The following LDLRAD4 variants were observed in gnomAD, a reference collection of about 807,000 sequenced individuals.
LDLRAD4 encodes low-density lipoprotein receptor class A domain-containing protein 4.
A neutral mutation model predicts 17.0 loss-of-function variants in LDLRAD4; 5 were observed. The ratio of observed to expected loss-of-function variants is 0.29; its 90% confidence interval spans 0.15 to 0.62. The LOEUF (loss-of-function observed/expected upper bound fraction) is 0.62. LDLRAD4 is among the 20% of genes least tolerant of loss of function. The probability of loss-of-function intolerance (pLI) is 0.84; values close to 1 mark genes in which losing one functional copy is unlikely to be tolerated. For missense variants in LDLRAD4, 340 were observed against 424.7 expected (o/e 0.80, Z 1.75); for synonymous variants, 168 against 171.8 (o/e 0.98, Z 0.17).
chr18:13,226,529 T>C (rs141873258), intron 1 of LDLRAD4, among the ~76,000 whole-genome samples: 1,818 of 152,114 alleles, frequency 0.012, 31 homozygotes, highest in African/African-American at 0.042. Flanking sequence ...GTAAATGATA[T>C]GGGCACATGA....
intron 3 of LDLRAD4, among the ~76,000 whole-genome samples, chr18:13,575,744 T>C (rs1478824236): frequency 6.6e-6 from 1 of 152,350 alleles, no homozygotes; most frequent in East Asian, 1.9e-4. Context: ...TGTTATTTTT[T>C]GATTTTTGGA....
At chr18:13,322,230 T>C (rs957567160) in intron 1 of LDLRAD4, among the ~76,000 whole-genome samples, 3 of 151,832 alleles carry the variant, frequency 2.0e-5, no homozygotes, top group African/African-American at 4.8e-5. Flanking sequence ...CACAGCTGAT[T>C]TTTAAAATGG....
chr18:13,347,767 A>G (rs1381494290), intron 1 of LDLRAD4, among the ~76,000 whole-genome samples: 1 of 152,010 alleles, frequency 6.6e-6, no homozygotes, highest in East Asian at 1.9e-4. Context: ...GGCTTTGTTC[A>G]TTTCTTTTTA....
chr18:13,282,207 C>T lies in LDLRAD4; in HGVS notation c.-383+4019C>T, dbSNP rs182630141. Among the ~76,000 whole-genome samples the T allele has an allele frequency of 2.6e-5, 4 of 152,256 alleles. No individual in the cohort carries two copies. The East Asian group carries it at 7.7e-4, about 29-fold the overall frequency. ...CAAGTCAAGTTGACTTGTGGGAACA[C>T]AGCCAAACTCTATCATCCTGCCCCT... is the stretch of plus-strand genomic sequence containing the variant. On this transcript the variant is annotated intron_variant, in intron 1 of 5. Transcript: ENST00000359446.
At chr18:13,304,486 C>T (rs924150245) in intron 1 of LDLRAD4, among the ~76,000 whole-genome samples, 1 of 152,126 alleles carries the variant, frequency 6.6e-6, no homozygotes, top group Admixed American at 6.5e-5. Context: ...GGGATGACTT[C>T]AGGGAGTCCC....
At chr18:13,455,322 A>G (rs368320517) in intron 3 of LDLRAD4, among the ~76,000 whole-genome samples, 1 of 152,246 alleles carries the variant, frequency 6.6e-6, no homozygotes, top group East Asian at 1.9e-4. Flanking sequence ...TAAAATGCAC[A>G]CATTTAATTA....
intron 1 of LDLRAD4, among the ~76,000 whole-genome samples, chr18:13,268,194 A>G (rs1181570024): frequency 6.6e-6 from 1 of 151,382 alleles, no homozygotes; most frequent in African/African-American, 2.4e-5. Flanking sequence ...GATGGTGCCC[A>G]CTCCGCCTCC....
rs142714565 is a variant in LDLRAD4, at chr18:13,480,084, C to T, written c.181+41700C>T. Among the ~76,000 whole-genome samples the T allele has an allele frequency of 5.2e-4, 79 of 152,344 alleles. 1 individual carries two copies. The East Asian group carries it at 0.013, about 26-fold the overall frequency. On this transcript the variant is annotated intron_variant, in intron 3 of 5. Coordinates refer to ENST00000359446, the Ensembl canonical transcript of LDLRAD4. Reference sequence around the variant, plus strand: ...CGGTATTTACACAGAGGAATTGAAACATTATGTCCACACAGAAACCTTCAC... The same window carrying T: ...CGGTATTTACACAGAGGAATTGAAATATTATGTCCACACAGAAACCTTCAC...
chr18:13,310,098 G>C (rs1157164925), intron 1 of LDLRAD4, among the ~76,000 whole-genome samples: 1 of 151,910 alleles, frequency 6.6e-6, no homozygotes, highest in African/African-American at 2.4e-5. Flanking sequence ...CCAGCATGTT[G>C]GGAGGCTGAG....
At chr18:13,477,775 G>T (rs917878645) in intron 3 of LDLRAD4, among the ~76,000 whole-genome samples, 3 of 152,192 alleles carry the variant, frequency 2.0e-5, no homozygotes, top group Non-Finnish European at 4.4e-5. Context: ...AAGGAGAAAG[G>T]GGGTGCAGAA....
Position 13,645,919 on chromosome 18 carries a change from C to G in LDLRAD4, c.*262C>G. The G allele has an allele frequency of 2.9e-6, 1 of 349,598 alleles. No individual in the cohort carries two copies. Among genetic ancestry groups the G allele is most frequent in the African/African-American group, 2.1e-5 (1 of 47,744 alleles). The allele number at this position is 349,598 out of a possible 1,614,324, so 21.7% of individuals were successfully genotyped here. A position where few individuals can be genotyped will look rare whatever the true frequency, so the allele number is the denominator to read the frequency against. On this transcript the variant is annotated 3_prime_UTR_variant, in exon 6 of 6. Coordinates refer to ENST00000359446, the Ensembl canonical transcript of LDLRAD4. This position sits in a 1 kb window ranked among gnomAD's most constrained non-coding sequence, Gnocchi z 5.7. Reference sequence around the variant, plus strand: ...GGATGGGGGTGTGGGCAGGGGAAAACAGAGAACGGGATGCTTTGAAGATAC... The same window carrying G: ...GGATGGGGGTGTGGGCAGGGGAAAAGAGAGAACGGGATGCTTTGAAGATAC...
chr18:13,472,703 T>G (rs2092812834), intron 3 of LDLRAD4: 1 of 152,256 alleles, frequency 6.6e-6, no homozygotes, highest in Admixed American at 6.5e-5. Flanking sequence ...TGCAATAAAA[T>G]GATTTCATTT....
intron 1 of LDLRAD4, among the ~76,000 whole-genome samples, chr18:13,236,000 G>GA (rs1437243090): frequency 6.6e-6 from 1 of 152,170 alleles, no homozygotes; most frequent in Admixed American, 6.5e-5. Flanking sequence ...TTTATAATGA[G>GA]AAAATTCCCA....
chr18:13,358,663 C>G (rs542270803), intron 1 of LDLRAD4, among the ~76,000 whole-genome samples: 37 of 152,228 alleles, frequency 2.4e-4, no homozygotes, highest in Admixed American at 3.9e-4. Context: ...ACTACTAATT[C>G]TACCGTCACC....
At chr18:13,620,525 C>T (rs989419803) in intron 3 of LDLRAD4, among the ~76,000 whole-genome samples, 4 of 152,214 alleles carry the variant, frequency 2.6e-5, no homozygotes, top group African/African-American at 7.2e-5. Flanking sequence ...TTCCAGCTGC[C>T]GGCCCAATGT....
intron 1 of LDLRAD4, among the ~76,000 whole-genome samples, chr18:13,381,755 T>C (rs1482300590): frequency 6.6e-6 from 1 of 152,244 alleles, no homozygotes; most frequent in African/African-American, 2.4e-5. Flanking sequence ...CTCAAGGGTC[T>C]TTTCCCCACT....
rs945920561 is a variant in LDLRAD4, at chr18:13,398,466, T to A, written c.40+10704T>A. On this transcript the variant is annotated intron_variant, in intron 2 of 5. Coordinates refer to ENST00000359446, the Ensembl canonical transcript of LDLRAD4. The surrounding 1 kb of genome is among the most constrained non-coding windows in gnomAD (Gnocchi z 4.8). ...AAACAGTTTTGAAAAAAAAGAAAAT[T>A]GCTGAAATACCATTGAGCTTATCAG... is the stretch of plus-strand genomic sequence containing the variant. 2.0e-5 allele frequency among the ~76,000 whole-genome samples: 3 copies of A among 151,792 alleles called. No individual in the cohort carries two copies. Among genetic ancestry groups the A allele is most frequent in the African/African-American group, 7.3e-5 (3 of 41,302 alleles).
rs924670338 is a variant in LDLRAD4 at position 13,287,202 on chromosome 18, C to A, written c.-383+9014C>A. ...CCCTCTGGAGAGCAGGAGAAGTCTG[C>A]AAATATCTTAGTATATCTTTCTATG... On this transcript the variant is annotated intron_variant, in intron 1 of 5. Transcript: ENST00000359446. Among the ~76,000 whole-genome samples the A allele has an allele frequency of 1.1e-4, 17 of 152,062 alleles. No homozygotes were observed. In the South Asian group the frequency reaches 3.5e-3, roughly 32 times the overall value.
At chr18:13,234,682 A>G (rs2042249213) in intron 1 of LDLRAD4, among the ~76,000 whole-genome samples, 1 of 152,288 alleles carries the variant, frequency 6.6e-6, no homozygotes, top group African/African-American at 2.4e-5. Flanking sequence ...GAAAGGCTGA[A>G]GTATGAGCAG....
Sources: allele counts gnomAD v4.1 joint callset (sites outside exome capture counted in the v4.1 genomes callset), GRCh38; gene constraint gnomAD v4.1.1; non-coding constraint Gnocchi (gnomAD v3.1); transcripts MANE v1.5; gene names NCBI Gene and HGNC (gene_info 2026-07-23, HGNC 2026-07-21).